PAG1: variants seen among roughly 807,000 people sequenced by gnomAD.
PAG1 encodes the protein phosphoprotein associated with glycosphingolipid-enriched microdomains 1.
PAG1 carries 23 observed loss-of-function variants against 31.7 expected under a neutral mutation model. The ratio of observed to expected loss-of-function variants is 0.73; its 90% CI spans 0.52 to 1.03. The LOEUF (loss-of-function observed/expected upper bound fraction) is 1.03. Ranked by LOEUF, PAG1 falls within the 50% of genes least tolerant of loss-of-function variation. PAG1 has a pLI of 0.00. For synonymous variants in PAG1, 214 were observed against 210.3 expected, an observed-to-expected ratio of 1.02 and a Z score of -0.15; for missense variants, 473 against 540.7, an observed-to-expected ratio of 0.87 and a Z score of 1.24.
intron 7 of PAG1, among the ~76,000 whole-genome samples, chr8:80,981,808 A>T (rs529037308): frequency 6.7e-6 from 1 of 150,284 alleles, no homozygotes; most frequent in Non-Finnish European, 1.5e-5. Context: ...TCATTCTAAA[A>T]CCAAAACAAA....
chr8:81,097,646 T>C (rs923583771), intron 1 of PAG1, among the ~76,000 whole-genome samples: 5 of 151,924 alleles, frequency 3.3e-5, no homozygotes, highest in Non-Finnish European at 7.4e-5. Context: ...ATGATTCAAT[T>C]TCATACTGAT....
At chr8:81,105,738 C>T (rs926226383) in intron 1 of PAG1, among the ~76,000 whole-genome samples, 2 of 152,140 alleles carry the variant, frequency 1.3e-5, no homozygotes, top group African/African-American at 4.8e-5. Flanking sequence ...GGGGAAGCAA[C>T]TTTAATAGTA....
intron 2 of PAG1, among the ~76,000 whole-genome samples, chr8:81,050,586 A>T (rs1017356176): frequency 3.9e-5 from 6 of 152,240 alleles, no homozygotes; most frequent in African/African-American, 1.4e-4. Flanking sequence ...GAAATAAAAA[A>T]AAAATGGTAC....
rs1410729549 is a variant in PAG1 at position 80,987,347 on chromosome 8, G to C, written c.274+23C>G. 2.1e-6 allele frequency: 3 copies of C among 1,461,308 alleles called. No homozygotes were observed. In the South Asian group the frequency reaches 3.4e-5, roughly 17 times the overall value. The allele number at this position is 1,461,308 out of a possible 1,614,324, so 90.5% of individuals were successfully genotyped here. On this transcript the variant is annotated intron_variant, in intron 6 of 8. Coordinates refer to ENST00000220597, the MANE Select transcript of PAG1 (RefSeq NM_018440.4). Reference sequence around the variant, plus strand: ...AGAGGTGATGAGGCCTGTGTGGAAAGCTGGTGTTTTTGCAGAACTTACTGT... The same window carrying C: ...AGAGGTGATGAGGCCTGTGTGGAAACCTGGTGTTTTTGCAGAACTTACTGT...
intron 1 of PAG1, among the ~76,000 whole-genome samples, chr8:81,081,823 C>A (rs1324461204): frequency 6.6e-6 from 1 of 152,132 alleles, no homozygotes; most frequent in Non-Finnish European, 1.5e-5. Context: ...AGCCACTCAT[C>A]CATTAAAGGA....
intron 1 of PAG1, among the ~76,000 whole-genome samples, chr8:81,090,102 A>G (rs1265859128): frequency 1.3e-5 from 2 of 152,154 alleles, no homozygotes; most frequent in African/African-American, 4.8e-5. Context: ...ACAATCTCAA[A>G]CAATTACCTA....
intron 2 of PAG1, among the ~76,000 whole-genome samples, chr8:81,069,050 A>G (rs1809053555): frequency 6.6e-6 from 1 of 152,226 alleles, no homozygotes; most frequent in Non-Finnish European, 1.5e-5. Context: ...AATGTGGATA[A>G]TCAAAGGTCT....
intron 1 of PAG1, among the ~76,000 whole-genome samples, chr8:81,085,614 G>C (rs1057390553): frequency 2.0e-5 from 3 of 152,194 alleles, no homozygotes; most frequent in African/African-American, 7.2e-5. Flanking sequence ...TTTACCAACA[G>C]AGAGGAATAG....
At chr8:81,103,087 A>G (rs1426803676) in intron 1 of PAG1, among the ~76,000 whole-genome samples, 1 of 151,810 alleles carries the variant, frequency 6.6e-6, no homozygotes, top group African/African-American at 2.4e-5. Context: ...TTGAATCCTT[A>G]TATTTATACT....
At position 80,971,166 on chromosome 8, in the gene PAG1, C is replaced by A. The variant is rs1391363968; in HGVS notation, c.*5378G>T. ...AATTCCCAGTACTGAAAACAACTTT[C>A]TCACTCTTTTGTGAATTGGACAATT... is the stretch of plus-strand genomic sequence containing the variant. On this transcript the variant is annotated 3_prime_UTR_variant, in exon 9 of 9. Coordinates refer to ENST00000220597, the MANE Select transcript of PAG1 (RefSeq NM_018440.4). 2.6e-5 allele frequency: 4 copies of A among 152,200 alleles called. No homozygotes were observed. The East Asian group carries it at 5.8e-4, about 22-fold the overall frequency. 9.4% of individuals were successfully genotyped at this position (152,200 alleles called of 1,614,324 possible). A position where few individuals can be genotyped will look rare whatever the true frequency, so the allele number is the denominator to read the frequency against.
At chr8:81,019,292 A>T (rs1485629822) in intron 3 of PAG1, among the ~76,000 whole-genome samples, 1 of 152,260 alleles carries the variant, frequency 6.6e-6, no homozygotes, top group Non-Finnish European at 1.5e-5. Flanking sequence ...CCAGCTGCAG[A>T]AATTTGCCTA....
At chr8:80,991,226 G>A (rs191145146) in intron 5 of PAG1, among the ~76,000 whole-genome samples, 121 of 152,268 alleles carry the variant, frequency 7.9e-4, no homozygotes, top group African/African-American at 2.7e-3. Flanking sequence ...CCCTGTTTGC[G>A]GTCCTTTGTT....
intron 3 of PAG1, among the ~76,000 whole-genome samples, chr8:81,025,960 G>C (rs1808270437): frequency 6.6e-6 from 1 of 152,056 alleles, no homozygotes; most frequent in Admixed American, 6.6e-5. Flanking sequence ...GCTCTGCTAT[G>C]GTCCAGGAGA....
chr8:81,010,481 A>T (rs1456514089), intron 3 of PAG1, among the ~76,000 whole-genome samples: 1 of 152,246 alleles, frequency 6.6e-6, no homozygotes, highest in Non-Finnish European at 1.5e-5. Context: ...CAAATATAAA[A>T]ATTTCAACAA....
At chr8:81,067,214 A>C (rs1454385358) in intron 2 of PAG1, among the ~76,000 whole-genome samples, 1 of 152,190 alleles carries the variant, frequency 6.6e-6, no homozygotes, top group Non-Finnish European at 1.5e-5. Context: ...TTCTCAGGGA[A>C]AAGTACCAGC....
intron 3 of PAG1, among the ~76,000 whole-genome samples, chr8:80,996,258 T>C (rs750764713): frequency 1.3e-5 from 2 of 152,164 alleles, no homozygotes; most frequent in African/African-American, 2.4e-5. Context: ...CCTACTCTTC[T>C]TTAGGGGCCT....
chr8:81,088,656 T>C (rs1385534242), intron 1 of PAG1, among the ~76,000 whole-genome samples: 1 of 152,218 alleles, frequency 6.6e-6, no homozygotes, highest in Non-Finnish European at 1.5e-5. Flanking sequence ...CAAATAAATC[T>C]GCCTTGCCTA....
intron 1 of PAG1, among the ~76,000 whole-genome samples, chr8:81,092,275 T>C (rs977591433): frequency 9.2e-5 from 14 of 151,352 alleles, no homozygotes; most frequent in Non-Finnish European, 1.5e-5. Context: ...TCCAGGCTAC[T>C]TGAGGCGCTG....
Position 80,985,082 on chromosome 8 carries a change from C to T in PAG1, c.570G>A (p.Val190=), listed in dbSNP as rs777796802. The change falls in exon 7 of 9, where the codon GTG becomes GTA. Residue 190 remains valine (V), a synonymous_variant. Coordinates refer to ENST00000220597, the MANE Select transcript of PAG1 (RefSeq NM_018440.4). ...LYETVKEIKE[V]AAAAHLEKGH... ...CTTTCTCCAGGTGTGCAGCTGCAGC[C>T]ACCTCCTTGATCTCTTTCACAGTTT... The T allele has an allele frequency of 1.1e-5, 18 of 1,614,108 alleles. No homozygotes were observed. Among genetic ancestry groups the T allele is most frequent in the Non-Finnish European group, 1.5e-5 (18 of 1,180,026 alleles).
Sources: allele counts gnomAD v4.1 joint callset (sites outside exome capture counted in the v4.1 genomes callset), GRCh38; gene constraint gnomAD v4.1.1; transcripts MANE v1.5; gene names NCBI Gene and HGNC (gene_info 2026-07-23, HGNC 2026-07-21).